The following CDYL2 variants were observed in gnomAD, a reference collection of about 807,000 sequenced individuals.
CDYL2 encodes chromodomain Y like 2.
A neutral mutation model predicts 49.4 loss-of-function variants in CDYL2; 23 were observed. That is an observed-to-expected ratio of 0.47 (90% CI 0.34 to 0.66). The LOEUF (loss-of-function observed/expected upper bound fraction) is 0.66, where lower values mean the gene tolerates loss of function less well. CDYL2 is among the 30% of genes least tolerant of loss of function. The pLI is 0.01. For synonymous variants in CDYL2, 360 were observed against 268.8 expected (o/e 1.34, Z -3.32); for missense variants, 678 against 656.4 (o/e 1.03, Z -0.36).
At chr16:80,625,672 G>T (rs1283258071) in intron 3 of CDYL2, among the ~76,000 whole-genome samples, 2 of 152,132 alleles carry the variant, frequency 1.3e-5, no homozygotes, top group South Asian at 2.1e-4. Context: ...TTAAACTTCA[G>T]AACATCAAAG....
Position 80,599,039 on chromosome 16 carries a change from C to A in CDYL2, c.*5349G>T, listed in dbSNP as rs1165525718. ...GATGGGAAACTCTACACCCTCCAAA[C>A]TTCCAAGAGTCAGCTTCAAGAGCTC... On this transcript the variant is annotated 3_prime_UTR_variant, in exon 7 of 7. Coordinates refer to ENST00000570137, the MANE Select transcript of CDYL2 (RefSeq NM_152342.4). 4 of 152,052 alleles carry A rather than the reference C, an allele frequency of 2.6e-5. No individual in the cohort carries two copies. The highest frequency in any genetic ancestry group is 9.7e-5 in the African/African-American group (4 of 41,394). The allele number at this position is 152,052 out of a possible 1,614,324, so 9.4% of individuals were successfully genotyped here. A position where few individuals can be genotyped will look rare whatever the true frequency, so the allele number is the denominator to read the frequency against.
chr16:80,699,658 AAG>A (rs1904290896), intron 1 of CDYL2, among the ~76,000 whole-genome samples: 2 of 152,258 alleles, frequency 1.3e-5, no homozygotes, highest in South Asian at 4.1e-4. Context: ...ATAACTAGAA[AAG>A]AGGATTTTTA....
chr16:80,720,724 T>G (rs1474370353), intron 1 of CDYL2, among the ~76,000 whole-genome samples: 1 of 152,212 alleles, frequency 6.6e-6, no homozygotes, highest in Non-Finnish European at 1.5e-5. Flanking sequence ...CAGCAGCTGA[T>G]AATGCCACTT....
Position 80,629,148 on chromosome 16 carries a change from T to C in CDYL2, c.834+3871A>G, listed in dbSNP as rs796097901. Among the ~76,000 whole-genome samples, 10 of 152,246 alleles carry C rather than the reference T, an allele frequency of 6.6e-5. 1 individual carries two copies. In the South Asian group the frequency reaches 2.1e-3, roughly 32 times the overall value. On this transcript the variant is annotated intron_variant, in intron 3 of 6. Coordinates refer to ENST00000570137, the MANE Select transcript of CDYL2 (RefSeq NM_152342.4). ...TGTCAGCCAGGGTAATCAGGAGCCA[T>C]CGACACATTTGGTTGGGGAGGGGTG...
intron 1 of CDYL2, among the ~76,000 whole-genome samples, chr16:80,743,216 C>T (rs1484953454): frequency 6.6e-6 from 1 of 152,130 alleles, no homozygotes; most frequent in Non-Finnish European, 1.5e-5. Flanking sequence ...AAACAGGAAA[C>T]AATTACACAG....
intron 1 of CDYL2, among the ~76,000 whole-genome samples, chr16:80,729,352 G>T (rs1181705642): frequency 2.0e-5 from 3 of 152,042 alleles, no homozygotes; most frequent in Non-Finnish European, 4.4e-5. Flanking sequence ...AAGAGACAAA[G>T]AAGGCCATTA....
At chr16:80,643,647 C>T (rs1908204281) in intron 2 of CDYL2, among the ~76,000 whole-genome samples, 2 of 152,252 alleles carry the variant, frequency 1.3e-5, no homozygotes, top group South Asian at 4.1e-4. Flanking sequence ...TCTGGGCACT[C>T]ATAGGCTCAA....
intron 2 of CDYL2, among the ~76,000 whole-genome samples, chr16:80,678,242 A>C (rs139359791): frequency 0.49 from 74,282 of 152,062 alleles, 20,026 homozygotes; most frequent in Middle Eastern, 0.65. Context: ...AATGGCAACA[A>C]AAGCCAAAAT....
At chr16:80,677,009 C>G (rs1366026684) in intron 2 of CDYL2, among the ~76,000 whole-genome samples, 1 of 130,688 alleles carries the variant, frequency 7.7e-6, no homozygotes, top group East Asian at 2.3e-4. Context: ...CTCGCTCTGT[C>G]GCCCAGGCTG....
In CDYL2 at chr16:80,598,540, A is replaced by G. The variant is rs1905938201; in HGVS notation, c.*5848T>C. On this transcript the variant is annotated 3_prime_UTR_variant, in exon 7 of 7. Transcript: ENST00000570137. ...AGAACAAAAGGAGGCAGACATTTGG[A>G]AAGTGCAGGATCCTACTGTTCAGTA... is the stretch of plus-strand genomic sequence containing the variant. 1 of 152,190 alleles carries G rather than the reference A, an allele frequency of 6.6e-6. No individual in the cohort carries two copies. The highest frequency in any genetic ancestry group is 1.5e-5 in the Non-Finnish European group (1 of 68,044). 9.4% of individuals were successfully genotyped at this position (152,190 alleles called of 1,614,324 possible). A position where few individuals can be genotyped will look rare whatever the true frequency, so the allele number is the denominator to read the frequency against.
At chr16:80,676,519 C>T (rs1244717989) in intron 2 of CDYL2, among the ~76,000 whole-genome samples, 3 of 152,154 alleles carry the variant, frequency 2.0e-5, no homozygotes, top group Admixed American at 6.5e-5. Flanking sequence ...CCCTGGGCCT[C>T]TTCTGGGACA....
chr16:80,635,794 T>A (rs1020893789), intron 2 of CDYL2, among the ~76,000 whole-genome samples: 3 of 152,118 alleles, frequency 2.0e-5, no homozygotes, highest in African/African-American at 7.2e-5. Flanking sequence ...GGAGGCATCA[T>A]GCTACCTGAC....
chr16:80,760,507 A>G (rs1379445407), intron 1 of CDYL2, among the ~76,000 whole-genome samples: 1 of 152,216 alleles, frequency 6.6e-6, no homozygotes, highest in Non-Finnish European at 1.5e-5. Flanking sequence ...TATAACACAA[A>G]GGATAAATGC....
intron 4 of CDYL2, among the ~76,000 whole-genome samples, chr16:80,614,981 C>G (rs1906764429): frequency 6.6e-6 from 1 of 151,892 alleles, no homozygotes; most frequent in Admixed American, 6.6e-5. Context: ...ATACTGGGAT[C>G]AGATTCAACT....
At chr16:80,636,080 T>C (rs57615933) in intron 2 of CDYL2, among the ~76,000 whole-genome samples, 9,107 of 152,190 alleles carry the variant, frequency 0.06, 903 homozygotes, top group African/African-American at 0.2. Flanking sequence ...GGATTAGACT[T>C]AAAAGTAACA....
chr16:80,644,779 A>G (rs1407040893), intron 2 of CDYL2, among the ~76,000 whole-genome samples: 1 of 152,212 alleles, frequency 6.6e-6, no homozygotes, highest in Non-Finnish European at 1.5e-5. Context: ...TGGTACTGGT[A>G]CCAAAACAGA....
intron 1 of CDYL2, among the ~76,000 whole-genome samples, chr16:80,737,814 GC>G (rs1905590254): frequency 6.6e-6 from 1 of 152,198 alleles, no homozygotes; most frequent in South Asian, 2.1e-4. Flanking sequence ...TCTAAAGAAT[GC>G]CCAGCCTCAT....
intron 1 of CDYL2, among the ~76,000 whole-genome samples, chr16:80,699,576 A>G (rs748080808): frequency 1.6e-4 from 24 of 152,220 alleles, no homozygotes; most frequent in Non-Finnish European, 3.2e-4. Context: ...GCTAAACAGA[A>G]GGATTAAGTT....
chr16:80,725,782 G>A (rs540729522), intron 1 of CDYL2, among the ~76,000 whole-genome samples: 12 of 152,324 alleles, frequency 7.9e-5, no homozygotes, highest in Admixed American at 3.3e-4. Flanking sequence ...CAACAAGCAC[G>A]CTGCCCGCTA....
Sources: gnomAD v4.1 joint callset for allele counts (sites outside exome capture counted in the v4.1 genomes callset) on GRCh38, gnomAD v4.1.1 for gene constraint, MANE v1.5 for transcripts, NCBI Gene and HGNC (gene_info 2026-07-23, HGNC 2026-07-21) for gene names.